The following GRIA1 variants were observed in gnomAD, a reference collection of about 807,000 sequenced individuals.
GRIA1 encodes the protein glutamate receptor 1.
In GRIA1, 31 loss-of-function variants were observed where a neutral mutation model predicts 99.2. The observed-to-expected ratio is 0.31, with a 90% confidence interval of 0.23 to 0.42. GRIA1 has a LOEUF of 0.42. Ranked by LOEUF, GRIA1 falls within the 10% of genes least tolerant of loss-of-function variation. The probability of loss-of-function intolerance (pLI) is 1.00; values close to 1 mark genes in which losing one functional copy is unlikely to be tolerated. For synonymous variants in GRIA1, 438 were observed against 432.4 expected, an observed-to-expected ratio of 1.01 and a Z score of -0.16; for missense variants, 782 against 1,157.5, an observed-to-expected ratio of 0.68 and a Z score of 4.71.
intron 14 of GRIA1, chr5:153,795,680 G>GACACTGTTCAA: frequency 4.3e-6 from 3 of 702,160 alleles, no homozygotes; most frequent in Non-Finnish European, 4.9e-6. Context: ...AGGCTTGGAG[G>GACACTGTTCAA]CCTTAGAGAG....
intron 11 of GRIA1, among the ~76,000 whole-genome samples, chr5:153,759,023 T>G (rs546204116): frequency 6.6e-6 from 1 of 152,022 alleles, no homozygotes; most frequent in African/African-American, 2.4e-5. Context: ...TTTTAAAAAT[T>G]TTAATTTCAT....
intron 11 of GRIA1, among the ~76,000 whole-genome samples, chr5:153,720,128 T>G (rs1232279093): frequency 6.6e-6 from 1 of 152,230 alleles, no homozygotes; most frequent in African/African-American, 2.4e-5. Context: ...TCTTATCTCA[T>G]CATCTCATAT....
chr5:153,795,638 C>A (rs1162325018), intron 14 of GRIA1: 2 of 1,024,208 alleles, frequency 2.0e-6, no homozygotes, highest in Non-Finnish European at 1.5e-6. Context: ...CAAAAATGCA[C>A]AGTGTTGAAC....
intron 11 of GRIA1, among the ~76,000 whole-genome samples, chr5:153,724,078 T>C (rs1035237013): frequency 2.0e-5 from 3 of 152,200 alleles, no homozygotes; most frequent in East Asian, 1.9e-4. Flanking sequence ...CAGCAGCATT[T>C]GCGGTTCACG....
chr5:153,534,127 G>T (rs1413408598), intron 2 of GRIA1, among the ~76,000 whole-genome samples: 2 of 152,192 alleles, frequency 1.3e-5, no homozygotes, highest in African/African-American at 4.8e-5. Flanking sequence ...CCTAGAAATA[G>T]TGTTTATTCT....
At chr5:153,566,612 C>G (rs1000349715) in intron 2 of GRIA1, among the ~76,000 whole-genome samples, 13 of 149,608 alleles carry the variant, frequency 8.7e-5, no homozygotes, top group Non-Finnish European at 5.9e-5. Context: ...AGCCTCTTGT[C>G]CATTTTTTAA....
At chr5:153,615,892 G>A (rs946795503) in intron 2 of GRIA1, among the ~76,000 whole-genome samples, 2 of 152,252 alleles carry the variant, frequency 1.3e-5, no homozygotes, top group East Asian at 1.9e-4. Context: ...AACTCAGGTC[G>A]GTTTGAGTCT....
chr5:153,528,278 T>G (rs1290013177), intron 2 of GRIA1, among the ~76,000 whole-genome samples: 2 of 152,186 alleles, frequency 1.3e-5, no homozygotes, highest in East Asian at 3.8e-4. Flanking sequence ...CCAGAATATG[T>G]TTTTGGGTTT....
chr5:153,620,830 T>A (rs1392459993), intron 2 of GRIA1, among the ~76,000 whole-genome samples: 1 of 152,208 alleles, frequency 6.6e-6, no homozygotes, highest in Admixed American at 6.5e-5. Context: ...CTCATTGCCT[T>A]CTGGAAGTTG....
intron 2 of GRIA1, among the ~76,000 whole-genome samples, chr5:153,567,138 G>A (rs1761712291): frequency 6.6e-6 from 1 of 152,094 alleles, no homozygotes; most frequent in African/African-American, 2.4e-5. Context: ...CATTTTATGT[G>A]CAGTACTCAC....
At chr5:153,717,770 C>A (rs540468149) in intron 11 of GRIA1, among the ~76,000 whole-genome samples, 1 of 152,194 alleles carries the variant, frequency 6.6e-6, no homozygotes, top group East Asian at 1.9e-4. Flanking sequence ...ATGCATGGAA[C>A]TTTGCCAGCC....
At position 153,677,054 on chromosome 5, in the gene GRIA1, C is replaced by T. The variant is rs563194672; in HGVS notation, c.922C>T (p.Arg308Trp). 3.2e-6 allele frequency: 5 copies of T among 1,575,908 alleles called. No homozygotes were observed. Among genetic ancestry groups the T allele is most frequent in the Non-Finnish European group, 4.3e-6 (5 of 1,157,682 alleles). Reference protein sequence around the residue: ...KVMAEAFQSLRRQRIDISRRG... With the variant: ...KVMAEAFQSLWRQRIDISRRG... ...GATGGCTGAGGCTTTCCAGAGCCTG[C>T]GGAGGCAGAGAATTGATATATCTCG... is the stretch of plus-strand genomic sequence containing the variant. Residue 308 changes from arginine to tryptophan, a missense_variant, in exon 7 of 16, where the codon CGG (arginine) becomes TGG (tryptophan). Coordinates refer to ENST00000285900, the MANE Select transcript of GRIA1 (RefSeq NM_000827.4).
At chr5:153,555,583 C>T (rs970453644) in intron 2 of GRIA1, among the ~76,000 whole-genome samples, 6 of 151,840 alleles carry the variant, frequency 4.0e-5, no homozygotes, top group South Asian at 2.1e-4. Context: ...TCACTTGCAA[C>T]GCAAAGACCA....
chr5:153,762,080 A>T (rs1311681065), intron 11 of GRIA1, among the ~76,000 whole-genome samples: 1 of 152,184 alleles, frequency 6.6e-6, no homozygotes, highest in Admixed American at 6.5e-5. Context: ...AGATGGAAGG[A>T]ATAAGTTCTT....
At chr5:153,618,720 C>T (rs143154302) in intron 2 of GRIA1, among the ~76,000 whole-genome samples, 1 of 152,246 alleles carries the variant, frequency 6.6e-6, no homozygotes, top group East Asian at 1.9e-4. Flanking sequence ...TATTCTATGC[C>T]TGCTATGAGC....
chr5:153,560,558 T>C (rs1411054577), intron 2 of GRIA1, among the ~76,000 whole-genome samples: 1 of 152,208 alleles, frequency 6.6e-6, no homozygotes, highest in Non-Finnish European at 1.5e-5. Flanking sequence ...CTGATGGTTT[T>C]ATAAAGGGCA....
At chr5:153,601,779 C>G (rs1368476203) in intron 2 of GRIA1, among the ~76,000 whole-genome samples, 3 of 152,136 alleles carry the variant, frequency 2.0e-5, no homozygotes, top group African/African-American at 7.2e-5. Context: ...TGTAAGGGAC[C>G]TTAGAGAGTC....
At chr5:153,543,506 G>T (rs1759328875) in intron 2 of GRIA1, among the ~76,000 whole-genome samples, 1 of 152,134 alleles carries the variant, frequency 6.6e-6, no homozygotes. Flanking sequence ...CTAAGACAAA[G>T]TCAGAATTTG....
intron 11 of GRIA1, among the ~76,000 whole-genome samples, chr5:153,746,705 T>C (rs1379428554): frequency 6.6e-6 from 1 of 152,200 alleles, no homozygotes; most frequent in South Asian, 2.1e-4. Flanking sequence ...TGTTTTGGTA[T>C]TATGGGCCGT....
Sources: gnomAD v4.1 joint callset for allele counts (sites outside exome capture counted in the v4.1 genomes callset) on GRCh38, gnomAD v4.1.1 for gene constraint, MANE v1.5 for transcripts, NCBI Gene and HGNC (gene_info 2026-07-23, HGNC 2026-07-21) for gene names.